The following AVEN variants were observed in gnomAD, a reference collection of about 807,000 sequenced individuals.
The protein encoded by AVEN is apoptosis and caspase activation inhibitor, also known as cell death regulator Aven.
Under a neutral mutation model 38.1 loss-of-function variants are expected in AVEN, and 41 were observed. The observed-to-expected ratio is 1.08, with a 90% CI of 0.84 to 1.40. The LOEUF (loss-of-function observed/expected upper bound fraction) is 1.40, where lower values mean the gene tolerates loss of function less well. Ranked by LOEUF, AVEN falls within the 40% of genes most tolerant of loss-of-function variation. The pLI is 0.00. For missense variants in AVEN, 605 were observed against 438.8 expected, an observed-to-expected ratio of 1.38 and a Z score of -3.38; for synonymous variants, 206 against 171.8, an observed-to-expected ratio of 1.20 and a Z score of -1.56.
chr15:33,953,138 G>T (rs148655086), intron 2 of AVEN, among the ~76,000 whole-genome samples: 66 of 152,172 alleles, frequency 4.3e-4, no homozygotes, highest in African/African-American at 1.5e-3. Flanking sequence ...AAATAAAGAG[G>T]ACACAAACAA....
intron 2 of AVEN, among the ~76,000 whole-genome samples, chr15:33,889,972 C>T (rs1365567162): frequency 2.0e-5 from 3 of 152,220 alleles, no homozygotes; most frequent in Non-Finnish European, 4.4e-5. Context: ...ACAAACCCTA[C>T]ATTCTACCGA....
intron 2 of AVEN, among the ~76,000 whole-genome samples, chr15:33,910,348 G>C (rs1432847501): frequency 6.6e-6 from 1 of 151,902 alleles, no homozygotes; most frequent in African/African-American, 2.4e-5. Context: ...TCACTAACAG[G>C]AAAGAAAAAA....
chr15:34,005,766 T>C (rs1897313072), intron 1 of AVEN, among the ~76,000 whole-genome samples: 1 of 152,220 alleles, frequency 6.6e-6, no homozygotes, highest in Non-Finnish European at 1.5e-5. Flanking sequence ...AATCCTCACC[T>C]GAATCAACTT....
At chr15:33,865,212 G>A (rs767355524), downstream of AVEN, 25 of 1,612,762 alleles carry the variant, frequency 1.6e-5, no homozygotes, top group Admixed American at 3.0e-4. Flanking sequence ...ACAATATGAA[G>A]ATCAGCTTGG....
chr15:33,867,718 G>A lies in AVEN; in HGVS notation c.750C>T (p.Gly250=). ...TGTCTTTGCCCAGCAACACAGGGCA[G>A]CCAGCAGCCACAGATTTCAGCTCAA... The part of the protein sequence containing the change: ...PIFELKSVAA[G]CPVLLGKDNP... The change falls in exon 5 of 6, where the codon GGC becomes GGT. Residue 250 remains glycine (G), a synonymous_variant. Transcript: ENST00000306730. 6.2e-7 allele frequency: 1 copy of A among 1,614,124 alleles called. No individual in the cohort carries two copies. The highest frequency in any genetic ancestry group is 8.5e-7 in the Non-Finnish European group (1 of 1,179,992).
chr15:33,855,203 TC>T (rs1400135805), downstream of AVEN, among the ~76,000 whole-genome samples: 2 of 147,156 alleles, frequency 1.4e-5, no homozygotes, highest in Non-Finnish European at 3.0e-5. Flanking sequence ...ACCTTGGAGA[TC>T]TTTTTTTTTT....
At chr15:33,886,271 G>A (rs1414873088) in intron 2 of AVEN, among the ~76,000 whole-genome samples, 2 of 152,142 alleles carry the variant, frequency 1.3e-5, no homozygotes, top group African/African-American at 2.4e-5. Flanking sequence ...GTCTCCCCAT[G>A]CTATTCGCAT....
chr15:33,968,930 T>G (rs1895506952), intron 2 of AVEN: 1 of 152,130 alleles, frequency 6.6e-6, no homozygotes, highest in Non-Finnish European at 1.5e-5. Context: ...AAACTCACCC[T>G]TCTGGTTCTA....
chr15:34,021,473 C>T (rs1285755555), intron 1 of AVEN, among the ~76,000 whole-genome samples: 3 of 151,804 alleles, frequency 2.0e-5, no homozygotes, highest in South Asian at 4.2e-4. Flanking sequence ...TTAGTATATA[C>T]GGGGTTTCTC....
chr15:34,017,492 T>TTG (rs1030088311), intron 1 of AVEN, among the ~76,000 whole-genome samples: 12 of 92,248 alleles, frequency 1.3e-4, no homozygotes, highest in Admixed American at 5.0e-4. Context: ...TTGTTTTTTT[T>TTG]TTTTTTTTGA....
chr15:33,938,072 A>G (rs1238343312), intron 2 of AVEN, among the ~76,000 whole-genome samples: 1 of 149,554 alleles, frequency 6.7e-6, no homozygotes, highest in African/African-American at 2.6e-5. Context: ...AAGGAATCAT[A>G]ATCATAATAT....
rs55793582 is a variant in AVEN at position 33,871,774 on chromosome 15, C to CAAAAAAAAAAAAAAAAA, written c.517-761_517-745dup. Among the ~76,000 whole-genome samples the CAAAAAAAAAAAAAAAAA allele has an allele frequency of 5.0e-4, 46 of 91,578 alleles. 2 individuals are homozygous for CAAAAAAAAAAAAAAAAA. The highest frequency in any genetic ancestry group is 1.9e-3 in the South Asian group (5 of 2,616). The allele number at this position is 91,578 out of a possible 152,430, so 60.1% of individuals were successfully genotyped here. A position where few individuals can be genotyped will look rare whatever the true frequency, so the allele number is the denominator to read the frequency against. On this transcript the variant is annotated intron_variant, in intron 3 of 5. Coordinates refer to ENST00000306730, the MANE Select transcript of AVEN (RefSeq NM_020371.3). ...AAGGTTTCAAACGAGCTAGTCTCCTCAAAAAAAAAAAAAAAAAGCCACTTT... is the reference window on the plus strand; with the variant it reads ...AAGGTTTCAAACGAGCTAGTCTCCTCAAAAAAAAAAAAAAAAAAAAAAAAAAAAAAAAAAGCCACTTT...
chr15:33,919,674 A>G (rs1893313325), intron 2 of AVEN, among the ~76,000 whole-genome samples: 1 of 152,250 alleles, frequency 6.6e-6, no homozygotes, highest in South Asian at 2.1e-4. Context: ...AGGGAAAAGA[A>G]GAGCAAGCCA....
intron 5 of AVEN, among the ~76,000 whole-genome samples, chr15:34,047,371 C>T (rs1899745189): frequency 1.3e-5 from 2 of 152,178 alleles, no homozygotes; most frequent in Admixed American, 6.5e-5. Context: ...GCCACCGTGC[C>T]CGGCGGAGAC....
At chr15:33,886,213 C>T (rs868651849) in intron 2 of AVEN, among the ~76,000 whole-genome samples, 4 of 152,276 alleles carry the variant, frequency 2.6e-5, no homozygotes, top group Middle Eastern at 3.4e-3. Context: ...ATAATCCCCA[C>T]GAGTCATGAA....
intron 2 of AVEN, among the ~76,000 whole-genome samples, chr15:33,885,258 T>C (rs944069637): frequency 6.6e-6 from 1 of 152,200 alleles, no homozygotes; most frequent in East Asian, 1.9e-4. Context: ...TTCATTTCTC[T>C]GAACTTCTCT....
chr15:34,028,079 A>C (rs933637593), intron 1 of AVEN, among the ~76,000 whole-genome samples: 13 of 152,328 alleles, frequency 8.5e-5, no homozygotes, highest in Non-Finnish European at 1.6e-4. Context: ...TGAAAGCATA[A>C]GCATACCCCA....
At chr15:33,992,736 G>C (rs372755285) in intron 2 of AVEN, among the ~76,000 whole-genome samples, 2 of 152,142 alleles carry the variant, frequency 1.3e-5, no homozygotes, top group African/African-American at 4.8e-5. Flanking sequence ...GAAAAGGTTC[G>C]AGGTTTAATT....
downstream of AVEN, among the ~76,000 whole-genome samples, chr15:33,863,195 G>C (rs1166321743): frequency 6.6e-6 from 1 of 152,126 alleles, no homozygotes; most frequent in African/African-American, 2.4e-5. Context: ...TCGTGTTTGA[G>C]CCTCCCACCT....
Sources: allele counts gnomAD v4.1 joint callset (sites outside exome capture counted in the v4.1 genomes callset), GRCh38; gene constraint gnomAD v4.1.1; transcripts MANE v1.5; gene names NCBI Gene and HGNC (gene_info 2026-07-23, HGNC 2026-07-21).